Variants in DLX4 observed in about 807,000 individuals in gnomAD.
DLX4 encodes the protein homeobox protein DLX-4.
In DLX4, 13 loss-of-function variants were observed where a neutral mutation model predicts 17.1. The ratio of observed to expected loss-of-function variants is 0.76; its 90% CI spans 0.49 to 1.21. DLX4 has a LOEUF of 1.21. Among genes scored for constraint, DLX4 ranks in the 50% most tolerant of loss-of-function variants. DLX4 has a pLI of 0.00. For synonymous variants in DLX4, 129 were observed against 140.3 expected (o/e 0.92, Z 0.57); for missense variants, 297 against 301.4 (o/e 0.99, Z 0.11).
At position 49,973,319 on chromosome 17, in the gene DLX4, G is replaced by T. The variant is rs756981590; in HGVS notation, c.480+50G>T. On this transcript the variant is annotated intron_variant, in intron 2 of 2. Transcript: ENST00000240306. The stretch of plus-strand genomic sequence containing the variant: ...ATCTCTCACCTTCCCTGGTTCTCTG[G>T]GAACTCATCCCCCAGCCCCAGCTGT... 5 of 1,596,376 alleles carry T rather than the reference G, an allele frequency of 3.1e-6. No individual in the cohort carries two copies. The Admixed American group carries it at 8.6e-5, about 28-fold the overall frequency.
In DLX4 at chr17:49,972,933, AG is replaced by A. The variant is rs1335368520; in HGVS notation, c.284-135del. The A allele has an allele frequency of 2.2e-5, 32 of 1,486,014 alleles. No individual in the cohort carries two copies. The highest frequency in any genetic ancestry group is 2.7e-5 in the Non-Finnish European group (30 of 1,115,898). The allele number at this position is 1,486,014 out of a possible 1,614,324, so 92.1% of individuals were successfully genotyped here. On this transcript the variant is annotated intron_variant, in intron 1 of 2. Coordinates refer to ENST00000240306, the MANE Select transcript of DLX4 (RefSeq NM_138281.3). The surrounding 1 kb of genome is among the most constrained non-coding windows in gnomAD (Gnocchi z 5.4). Reference sequence around the variant, plus strand: ...CGCGGAAGGTAGAGGGCAGGGGCCAAGGGGGCGATCCTGGTGGCTGCGCTTT... The same window carrying A: ...CGCGGAAGGTAGAGGGCAGGGGCCAAGGGGCGATCCTGGTGGCTGCGCTTT...
Position 49,972,722 on chromosome 17 carries a change from C to A in DLX4, c.284-351C>A. 2 of 1,370,030 alleles carry A rather than the reference C, an allele frequency of 1.5e-6. No individual in the cohort carries two copies. The highest frequency in any genetic ancestry group is 3.6e-5 in the South Asian group (2 of 55,504). The allele number at this position is 1,370,030 out of a possible 1,614,324, so 84.9% of individuals were successfully genotyped here. On this transcript the variant is annotated intron_variant, in intron 1 of 2. Coordinates refer to ENST00000240306, the MANE Select transcript of DLX4 (RefSeq NM_138281.3). This position sits in a 1 kb window ranked among gnomAD's most constrained non-coding sequence, Gnocchi z 5.4. ...GACCTAGCCTTTCTGCCCCGCCCTA[C>A]CCCAAGCTGGCGCCACCGCCCGTGG... is the stretch of plus-strand genomic sequence containing the variant.
At position 49,970,628 on chromosome 17, in the gene DLX4, A is replaced by G. The variant is rs577289804; in HGVS notation, c.283+877A>G. On this transcript the variant is annotated intron_variant, in intron 1 of 2. Transcript: ENST00000240306. Reference sequence around the variant, plus strand: ...AGCTGACATACAATGTGGGTATGGCATTGCCCACAATCCCATCTGCACTGG... The same window carrying G: ...AGCTGACATACAATGTGGGTATGGCGTTGCCCACAATCCCATCTGCACTGG... 4.6e-5 allele frequency among the ~76,000 whole-genome samples: 7 copies of G among 152,304 alleles called. No homozygotes were observed. The East Asian group carries it at 1.3e-3, about 29-fold the overall frequency.
rs1905559011 is a variant in DLX4 at position 49,972,892 on chromosome 17, G to C, written c.284-181G>C. On this transcript the variant is annotated intron_variant, in intron 1 of 2. Coordinates refer to ENST00000240306, the MANE Select transcript of DLX4 (RefSeq NM_138281.3). This position sits in a 1 kb window ranked among gnomAD's most constrained non-coding sequence, Gnocchi z 5.4. ...GTATCACCTGGCGCGGTGAACGTGG[G>C]GGTTGAAACGCTCCACGCGGAAGGT... 29 of 1,449,750 alleles carry C rather than the reference G, an allele frequency of 2.0e-5. No homozygotes were observed. Among genetic ancestry groups the C allele is most frequent in the Non-Finnish European group, 2.3e-5 (25 of 1,097,812 alleles). The allele number at this position is 1,449,750 out of a possible 1,614,324, so 89.8% of individuals were successfully genotyped here.
Position 49,969,272 on chromosome 17 carries a change from C to A in DLX4, c.-197C>A, listed in dbSNP as rs1598145884. On this transcript the variant is annotated 5_prime_UTR_variant, in exon 1 of 3. Transcript: ENST00000240306. ...GGGAGGGGAAAGTCATGGGGGGCAC[C>A]CCCCCGGAACCCCTTTCCCAGGCGC... 3.6e-6 allele frequency: 2 copies of A among 552,238 alleles called. No homozygotes were observed. Among genetic ancestry groups the A allele is most frequent in the Non-Finnish European group, 5.8e-6 (2 of 345,582 alleles). 34.2% of individuals were successfully genotyped at this position (552,238 alleles called of 1,614,324 possible).
intron 2 of DLX4, 76 bp downstream of exon 2, chr17:49,973,345 G>C (rs1206370987): frequency 1.9e-6 from 3 of 1,554,158 alleles, no homozygotes; most frequent in Admixed American, 3.7e-5. Flanking sequence ...CCCCAGCTGT[G>C]AATGACTGAT....
chr17:49,969,204 A>C lies in DLX4; in HGVS notation c.-265A>C. On this transcript the variant is annotated 5_prime_UTR_variant, in exon 1 of 3. Transcript: ENST00000240306. ...GCGGGGCCCCCGTCGGGTCCCGGGAACCGAACCCGATGGAGAGGAGGGGGC... is the reference window on the plus strand; with the variant it reads ...GCGGGGCCCCCGTCGGGTCCCGGGACCCGAACCCGATGGAGAGGAGGGGGC... The C allele has an allele frequency of 1.2e-4, 40 of 330,734 alleles. No individual in the cohort carries two copies. The highest frequency in any genetic ancestry group is 1.5e-4 in the East Asian group (3 of 19,580). 20.5% of individuals were successfully genotyped at this position (330,734 alleles called of 1,614,324 possible).
Position 49,969,510 on chromosome 17 carries a change from C to A in DLX4, c.42C>A (p.Ser14=). The change falls in exon 1 of 3, where the codon TCC becomes TCA. Residue 14 remains serine, a synonymous_variant. Transcript: ENST00000240306. ...LPCPLPGRDA[S]KAVFPDLAPV... The stretch of plus-strand genomic sequence containing the variant: ...GCCCCCTCCCCGGCCGGGACGCCTC[C>A]AAAGCTGTCTTCCCAGACCTCGCCC... 1 of 1,610,164 alleles carries A rather than the reference C, an allele frequency of 6.2e-7. No homozygotes were observed. Among genetic ancestry groups the A allele is most frequent in the Non-Finnish European group, 8.5e-7 (1 of 1,179,296 alleles).
chr17:49,974,096 A>G lies in DLX4; in HGVS notation c.*153A>G, dbSNP rs1905631567. On this transcript the variant is annotated 3_prime_UTR_variant, in exon 3 of 3. Coordinates refer to ENST00000240306, the MANE Select transcript of DLX4 (RefSeq NM_138281.3). The stretch of plus-strand genomic sequence containing the variant: ...TAGAGGAGAAAAAGGAATGGAGCAG[A>G]GCCTGTACCCCTAACCCTAACAGCT... The G allele has an allele frequency of 2.0e-6, 2 of 1,007,388 alleles. No homozygotes were observed. The highest frequency in any genetic ancestry group is 3.4e-5 in the African/African-American group (2 of 59,462). 62.4% of individuals were successfully genotyped at this position (1,007,388 alleles called of 1,614,324 possible).
Position 49,969,325 on chromosome 17 carries a change from A to T in DLX4, c.-144A>T. 1.0e-6 allele frequency: 1 copy of T among 971,524 alleles called. No homozygotes were observed. Among genetic ancestry groups the T allele is most frequent in the Non-Finnish European group, 1.5e-6 (1 of 681,996 alleles). 60.2% of individuals were successfully genotyped at this position (971,524 alleles called of 1,614,324 possible). On this transcript the variant is annotated 5_prime_UTR_variant, in exon 1 of 3. Coordinates refer to ENST00000240306, the MANE Select transcript of DLX4 (RefSeq NM_138281.3). Reference sequence around the variant, plus strand: ...GTTCTCCGCTGAAAGAGGCTCAGAGAGACACTTTCTCCGGGATCTTAAGTG... The same window carrying T: ...GTTCTCCGCTGAAAGAGGCTCAGAGTGACACTTTCTCCGGGATCTTAAGTG...
At position 49,969,278 on chromosome 17, in the gene DLX4, G is replaced by A. The variant is rs1441277617; in HGVS notation, c.-191G>A. The A allele has an allele frequency of 3.4e-6, 2 of 583,842 alleles. No homozygotes were observed. The highest frequency in any genetic ancestry group is 3.6e-5 in the South Asian group (1 of 27,820). 36.2% of individuals were successfully genotyped at this position (583,842 alleles called of 1,614,324 possible). ...GGAAAGTCATGGGGGGCACCCCCCC[G>A]GAACCCCTTTCCCAGGCGCGCGTTC... On this transcript the variant is annotated 5_prime_UTR_variant, in exon 1 of 3. Transcript: ENST00000240306.
chr17:49,969,822 G>T (rs1905439899), intron 1 of DLX4, 71 bp downstream of exon 1: 1 of 1,282,072 alleles, frequency 7.8e-7, no homozygotes, highest in Non-Finnish European at 1.0e-6. Context: ...CTTCTCCCTC[G>T]CCTGGTTGGA....
chr17:49,968,711 G>A (rs1025670951), upstream of DLX4, among the ~76,000 whole-genome samples: 25 of 152,092 alleles, frequency 1.6e-4, no homozygotes, highest in African/African-American at 6.0e-4. Context: ...TCCCAGCCCC[G>A]GCGTCTATTT....
Position 49,974,047 on chromosome 17 carries a change from G to A in DLX4, c.*104G>A. The A allele has an allele frequency of 7.1e-7, 1 of 1,400,954 alleles. No homozygotes were observed. The highest frequency in any genetic ancestry group is 9.4e-7 in the Non-Finnish European group (1 of 1,067,250). 86.8% of individuals were successfully genotyped at this position (1,400,954 alleles called of 1,614,324 possible). Reference sequence around the variant, plus strand: ...GCTGGGAGGAAACCAGCTCCAGATGGGTTTTCTCTGGAGGACAAGCAGTTA... The same window carrying A: ...GCTGGGAGGAAACCAGCTCCAGATGAGTTTTCTCTGGAGGACAAGCAGTTA... On this transcript the variant is annotated 3_prime_UTR_variant, in exon 3 of 3. Transcript: ENST00000240306.
In DLX4 at chr17:49,973,690, T is replaced by G. The variant is rs780039249; in HGVS notation, c.481-11T>G. The G allele has an allele frequency of 2.0e-6, 3 of 1,493,844 alleles. No individual in the cohort carries two copies. In the East Asian group the frequency reaches 7.2e-5, roughly 36 times the overall value. The allele number at this position is 1,493,844 out of a possible 1,614,324, so 92.5% of individuals were successfully genotyped here. On this transcript the variant is annotated splice_polypyrimidine_tract_variant and intron_variant, in intron 2 of 2. Coordinates refer to ENST00000240306, the MANE Select transcript of DLX4 (RefSeq NM_138281.3). ...CCTGATCTTTCATTCTTTCCCCTTT[T>G]CTTCCCGAAGGTAAAGATCTGGTTT... is the stretch of plus-strand genomic sequence containing the variant.
chr17:49,972,829 A>G lies in DLX4; in HGVS notation c.284-244A>G, dbSNP rs2144161979. 1 of 1,425,574 alleles carries G rather than the reference A, an allele frequency of 7.0e-7. No homozygotes were observed. Among genetic ancestry groups the G allele is most frequent in the Non-Finnish European group, 9.2e-7 (1 of 1,089,894 alleles). The allele number at this position is 1,425,574 out of a possible 1,614,324, so 88.3% of individuals were successfully genotyped here. ...CTTTCTTCCTAGGGTCACAGGACCC[A>G]TACGAGTGGGAGCTCCCTGGGAGCA... On this transcript the variant is annotated intron_variant, in intron 1 of 2. Coordinates refer to ENST00000240306, the MANE Select transcript of DLX4 (RefSeq NM_138281.3). This position sits in a 1 kb window ranked among gnomAD's most constrained non-coding sequence, Gnocchi z 5.4.
In DLX4 at chr17:49,969,588, A is replaced by G. The variant is rs774510583; in HGVS notation, c.120A>G (p.Ala40=). The G allele has an allele frequency of 1.3e-5, 21 of 1,613,112 alleles. No homozygotes were observed. The highest frequency in any genetic ancestry group is 1.7e-5 in the Non-Finnish European group (20 of 1,179,862). ...CGCTTGGCTTGTCCCCTACAACCGC[A>G]GCCTCCCCCAATTTGTCCTACTCCA... ...AYPLGLSPTT[A]ASPNLSYSRP... Residue 40 remains alanine (A), a synonymous_variant, in exon 1 of 3, where the codon GCA becomes GCG. Transcript: ENST00000240306.
In DLX4 at chr17:49,969,699, G is replaced by A. The variant is rs200168432; in HGVS notation, c.231G>A (p.Ala77=). 2.7e-5 allele frequency: 43 copies of A among 1,602,824 alleles called. No homozygotes were observed. The highest frequency in any genetic ancestry group is 3.6e-5 in the Non-Finnish European group (43 of 1,179,742). Residue 77 remains alanine (A), a synonymous_variant, in exon 1 of 3, where the codon GCG becomes GCA. Transcript: ENST00000240306. The part of the protein sequence containing the change: ...DSYLSCQQPA[A]LSQPLCGPAE... ...ACCTGTCCTGCCAGCAACCCGCGGC[G>A]CTCTCTCAGCCCCTCTGCGGACCTG...
rs954724802 is a variant in DLX4 at position 49,973,233 on chromosome 17, C to T, written c.444C>T (p.Ala148=). The part of the protein sequence containing the change: ...HTQYLALPER[A]QLAAQLGLTQ... ...AGTACCTGGCGCTGCCCGAGAGGGC[C>T]CAGCTGGCAGCGCAGCTCGGCCTCA... is the stretch of plus-strand genomic sequence containing the variant. Residue 148 remains alanine (A), a synonymous_variant, in exon 2 of 3, where the codon GCC becomes GCT. Coordinates refer to ENST00000240306, the MANE Select transcript of DLX4 (RefSeq NM_138281.3). The T allele has an allele frequency of 2.5e-6, 4 of 1,614,084 alleles. No individual in the cohort carries two copies. Among genetic ancestry groups the T allele is most frequent in the Admixed American group, 1.7e-5 (1 of 60,028 alleles).
Sources: allele counts gnomAD v4.1 joint callset (sites outside exome capture counted in the v4.1 genomes callset), GRCh38; gene constraint gnomAD v4.1.1; non-coding constraint Gnocchi (gnomAD v3.1); transcripts MANE v1.5; gene names NCBI Gene and HGNC (gene_info 2026-07-23, HGNC 2026-07-21).